Variants in SUPT3H observed in about 807,000 individuals in gnomAD.
SUPT3H encodes SPT3 homolog, SAGA and STAGA complex component, also known as transcription initiation protein SPT3 homolog.
SUPT3H carries 44 observed loss-of-function variants against 44.3 expected under a neutral mutation model. The observed-to-expected ratio is 0.99, with a 90% CI of 0.78 to 1.28. The LOEUF (loss-of-function observed/expected upper bound fraction) is 1.28. Ranked by LOEUF, SUPT3H falls within the 50% of genes most tolerant of loss-of-function variation. The pLI, the probability that SUPT3H is intolerant of heterozygous loss-of-function variation, is 0.00. For synonymous variants in SUPT3H, 124 were observed against 125.6 expected (o/e 0.99, Z 0.09); for missense variants, 380 against 387.1 (o/e 0.98, Z 0.15).
intron 2 of SUPT3H, among the ~76,000 whole-genome samples, chr6:45,207,554 T>C (rs1391311770): frequency 1.3e-5 from 2 of 152,190 alleles, no homozygotes; most frequent in African/African-American, 4.8e-5. Flanking sequence ...CATGCAAGTC[T>C]GTATGTCATT....
chr6:45,030,170 C>T (rs1414526090), intron 3 of SUPT3H, among the ~76,000 whole-genome samples: 1 of 152,072 alleles, frequency 6.6e-6, no homozygotes, highest in African/African-American at 2.4e-5. Flanking sequence ...CAGAAGCGTA[C>T]CTTGAATTTG....
intron 2 of SUPT3H, among the ~76,000 whole-genome samples, chr6:45,352,581 CTAGGAACAAAGT>C (rs1792287815): frequency 6.6e-6 from 1 of 151,964 alleles, no homozygotes; most frequent in Non-Finnish European, 1.5e-5. Flanking sequence ...ACTATTTATC[CTAGGAACAAAGT>C]ACATTTTATG....
intron 3 of SUPT3H, among the ~76,000 whole-genome samples, chr6:45,069,495 T>C (rs1794037827): frequency 6.6e-6 from 1 of 152,152 alleles, no homozygotes; most frequent in Admixed American, 6.6e-5. Flanking sequence ...TAAATTGGCA[T>C]GGCATATTTG....
chr6:44,879,777 A>G lies in SUPT3H; in HGVS notation c.913-49920T>C, dbSNP rs9349304. Among the ~76,000 whole-genome samples the G allele has an allele frequency of 7.2e-4, 110 of 152,318 alleles. 1 individual carries two copies. The East Asian group carries it at 0.017, about 23-fold the overall frequency. ...TCTGCAGCCTCTGCTGGTGATACCC[A>G]GGCAAACAGGGTCTGGAGTGGACCT... On this transcript the variant is annotated intron_variant, in intron 10 of 10. Transcript: ENST00000371459.
intron 11 of SUPT3H, among the ~76,000 whole-genome samples, chr6:44,820,424 G>C: frequency 6.6e-6 from 1 of 152,156 alleles, no homozygotes; most frequent in East Asian, 1.9e-4. Flanking sequence ...TCTTGGGAAA[G>C]TCAAGGGGAA....
intron 3 of SUPT3H, among the ~76,000 whole-genome samples, chr6:45,065,080 T>C (rs1407222700): frequency 1.3e-4 from 20 of 150,416 alleles, no homozygotes; most frequent in African/African-American, 4.4e-4. Context: ...CCTCAGCAAA[T>C]GTAAAAGAAC....
At chr6:45,291,379 C>CA (rs758695617) in intron 2 of SUPT3H, among the ~76,000 whole-genome samples, 1 of 152,122 alleles carries the variant, frequency 6.6e-6, no homozygotes, top group Non-Finnish European at 1.5e-5. Flanking sequence ...GGTAATATGA[C>CA]AAAACAAGGT....
chr6:45,142,479 G>A (rs1159325127), intron 2 of SUPT3H, among the ~76,000 whole-genome samples: 2 of 152,000 alleles, frequency 1.3e-5, no homozygotes, highest in Non-Finnish European at 2.9e-5. Context: ...GCTCACGTCT[G>A]TAATTCCAGC....
rs1297352569 is a variant in SUPT3H, at chr6:44,830,130, G to C, written c.913-273C>G. 2.0e-5 allele frequency among the ~76,000 whole-genome samples: 3 copies of C among 152,258 alleles called. No individual in the cohort carries two copies. The East Asian group carries it at 5.8e-4, about 29-fold the overall frequency. On this transcript the variant is annotated intron_variant, in intron 10 of 10. Transcript: ENST00000371459. Reference sequence around the variant, plus strand: ...CCCATTTTGTTAACTGATTGGGCTTGGTTAGGCCAAAGAGATGTATTGAAT... The same window carrying C: ...CCCATTTTGTTAACTGATTGGGCTTCGTTAGGCCAAAGAGATGTATTGAAT...
At position 45,334,732 on chromosome 6, in the gene SUPT3H, C is replaced by G. The variant is rs1024957929; in HGVS notation, c.101+30469G>C. On this transcript the variant is annotated intron_variant, in intron 2 of 10. Coordinates refer to ENST00000371459, the MANE Select transcript of SUPT3H (RefSeq NM_003599.4). ...GTGAATGCATTCACACCAATGACTA[C>G]AGAACTTGTAATAATGATTATAAAC... is the stretch of plus-strand genomic sequence containing the variant. Among the ~76,000 whole-genome samples the G allele has an allele frequency of 6.0e-5, 9 of 151,066 alleles. No individual in the cohort carries two copies. In the South Asian group the frequency reaches 1.2e-3, roughly 21 times the overall value.
chr6:44,851,357 G>A (rs1772852632), intron 10 of SUPT3H, among the ~76,000 whole-genome samples: 1 of 152,156 alleles, frequency 6.6e-6, no homozygotes, highest in Non-Finnish European at 1.5e-5. Flanking sequence ...AGGCAGTCTT[G>A]GAGAGACACT....
intron 2 of SUPT3H, among the ~76,000 whole-genome samples, chr6:45,288,054 T>G (rs1779607777): frequency 6.6e-6 from 1 of 152,170 alleles, no homozygotes; most frequent in Non-Finnish European, 1.5e-5. Context: ...TTATAAGGCT[T>G]GATGCACCTA....
intron 2 of SUPT3H, among the ~76,000 whole-genome samples, chr6:45,141,654 C>CAA (rs70993501): frequency 2.6e-5 from 4 of 151,686 alleles, no homozygotes; most frequent in Admixed American, 6.6e-5. Context: ...AAGACAAAGA[C>CAA]AAAAAAAATT....
intron 2 of SUPT3H, among the ~76,000 whole-genome samples, chr6:45,129,494 G>A (rs1414119590): frequency 2.6e-5 from 4 of 151,796 alleles, no homozygotes; most frequent in Non-Finnish European, 5.9e-5. Context: ...ATAATTTCAT[G>A]TTTATGATAA....
chr6:44,933,276 G>A (rs1437050710), intron 9 of SUPT3H, among the ~76,000 whole-genome samples: 3 of 149,234 alleles, frequency 2.0e-5, no homozygotes. Flanking sequence ...AATTTTCTAG[G>A]TATCTCAGGA....
intron 6 of SUPT3H, among the ~76,000 whole-genome samples, chr6:44,984,994 G>A (rs113705819): frequency 1.7e-4 from 26 of 151,642 alleles, no homozygotes; most frequent in African/African-American, 5.6e-4. Flanking sequence ...GGGGGATGAC[G>A]GACAGTTTTG....
Position 45,111,255 on chromosome 6 carries a change from A to G in SUPT3H, c.102-5249T>C, listed in dbSNP as rs370194988. The stretch of plus-strand genomic sequence containing the variant: ...ACCATGTTGGCCAGGCTGGTCTCGA[A>G]CTCCTGACCTCGTGATCTGCCCACC... On this transcript the variant is annotated intron_variant, in intron 2 of 10. Transcript: ENST00000371459. 1.2e-4 allele frequency among the ~76,000 whole-genome samples: 18 copies of G among 152,032 alleles called. No homozygotes were observed. In the East Asian group the frequency reaches 2.9e-3, roughly 25 times the overall value.
intron 10 of SUPT3H, among the ~76,000 whole-genome samples, chr6:44,879,455 T>A (rs1036303240): frequency 9.9e-5 from 15 of 152,194 alleles, no homozygotes; most frequent in African/African-American, 3.6e-4. Context: ...GCTCCCATCT[T>A]CCTGGGACAG....
intron 2 of SUPT3H, among the ~76,000 whole-genome samples, chr6:45,126,813 A>G (rs887941035): frequency 2.0e-5 from 3 of 152,210 alleles, no homozygotes; most frequent in African/African-American, 7.2e-5. Context: ...AGGATTCCAT[A>G]ATAATTTCTA....
Sources: allele counts gnomAD v4.1 joint callset (sites outside exome capture counted in the v4.1 genomes callset), GRCh38; gene constraint gnomAD v4.1.1; transcripts MANE v1.5; gene names NCBI Gene and HGNC (gene_info 2026-07-23, HGNC 2026-07-21).